DTNB: variants seen among roughly 807,000 people sequenced by gnomAD.
The protein encoded by DTNB is dystrobrevin beta.
Under a neutral mutation model 90.7 loss-of-function variants are expected in DTNB, and 63 were observed. The ratio of observed to expected loss-of-function variants is 0.69; its 90% CI spans 0.57 to 0.86. The LOEUF is 0.86. Among genes scored for constraint, DTNB ranks in the 40% least tolerant of loss-of-function variants. The pLI, the probability that DTNB is intolerant of heterozygous loss-of-function variation, is 0.00. For synonymous variants in DTNB, 277 were observed against 286.7 expected (o/e 0.97, Z 0.34); for missense variants, 744 against 807.1 (o/e 0.92, Z 0.95).
intron 9 of DTNB, among the ~76,000 whole-genome samples, chr2:25,513,488 C>T (rs1348102515): frequency 6.6e-6 from 1 of 151,942 alleles, no homozygotes. Flanking sequence ...TTTGGGAGGC[C>T]GAGGCAGGCG....
rs1328014065 is a variant in DTNB at position 25,467,542 on chromosome 2, G to A, written c.1080-12048C>T. On this transcript the variant is annotated intron_variant, in intron 10 of 20. Transcript: ENST00000406818. The stretch of plus-strand genomic sequence containing the variant: ...TGGTCTTGAACTCCTAGCCTCAAGT[G>A]ATCCTCCCACCCTGACCTCCCAAAG... Among the ~76,000 whole-genome samples, 4 of 152,004 alleles carry A rather than the reference G, an allele frequency of 2.6e-5. No homozygotes were observed. The East Asian group carries it at 5.8e-4, about 22-fold the overall frequency.
chr2:25,379,660 G>A (rs2036996002), intron 19 of DTNB: 1 of 293,210 alleles, frequency 3.4e-6, no homozygotes, highest in Non-Finnish European at 6.3e-6. Flanking sequence ...GAACATGACT[G>A]CGCCTTGAGT....
chr2:25,434,010 T>C lies in DTNB; in HGVS notation c.1258-15A>G. 1.9e-6 allele frequency: 3 copies of C among 1,586,892 alleles called. No homozygotes were observed. Among genetic ancestry groups the C allele is most frequent in the Non-Finnish European group, 2.6e-6 (3 of 1,173,160 alleles). ...GGAGGACGAGTCTAAAGTGGGGAAGTCGGGAGAAAGTTTTTTTTTTTCTGA... is the reference window on the plus strand; with the variant it reads ...GGAGGACGAGTCTAAAGTGGGGAAGCCGGGAGAAAGTTTTTTTTTTTCTGA... On this transcript the variant is annotated splice_polypyrimidine_tract_variant and intron_variant, in intron 12 of 20. Transcript: ENST00000406818.
At chr2:25,570,209 A>C (rs1049935423) in intron 8 of DTNB, among the ~76,000 whole-genome samples, 4 of 151,864 alleles carry the variant, frequency 2.6e-5, no homozygotes, top group African/African-American at 4.8e-5. Flanking sequence ...TCAGCTCAGG[A>C]GTCTGAGACC....
chr2:25,630,514 T>C (rs1026450415), intron 3 of DTNB, among the ~76,000 whole-genome samples: 1 of 152,134 alleles, frequency 6.6e-6, no homozygotes, highest in Non-Finnish European at 1.5e-5. Flanking sequence ...ATGTGGCATA[T>C]GCATATAATG....
At chr2:25,509,772 CAG>C (rs1234963483) in intron 9 of DTNB, among the ~76,000 whole-genome samples, 1 of 106,320 alleles carries the variant, frequency 9.4e-6, no homozygotes, top group South Asian at 3.2e-4. Flanking sequence ...TTTTTTGAGA[CAG>C]AGTGTTGCTC....
rs186460695 is a variant in DTNB at position 25,645,675 on chromosome 2, A to G, written c.68-6581T>C. ...AGGCTGGTCTCAAACTCCTAGGCTCAAGCAATCCACCTGCCTCAGCCTCCC... is the reference window on the plus strand; with the variant it reads ...AGGCTGGTCTCAAACTCCTAGGCTCGAGCAATCCACCTGCCTCAGCCTCCC... On this transcript the variant is annotated intron_variant, in intron 2 of 20. Coordinates refer to ENST00000406818, the MANE Select transcript of DTNB (RefSeq NM_021907.5). Among the ~76,000 whole-genome samples the G allele has an allele frequency of 2.6e-3, 401 of 152,216 alleles. 2 individuals are homozygous for G. The highest frequency in any genetic ancestry group is 0.02 in the Admixed American group (308 of 15,290).
chr2:25,673,177 G>A (rs928326439), intron 1 of DTNB, among the ~76,000 whole-genome samples: 1 of 151,390 alleles, frequency 6.6e-6, no homozygotes, highest in Non-Finnish European at 1.5e-5. Context: ...CTGTCCCTCC[G>A]GGGCTAGCCG....
At chr2:25,545,409 G>A (rs1217877603) in intron 8 of DTNB, among the ~76,000 whole-genome samples, 1 of 152,120 alleles carries the variant, frequency 6.6e-6, no homozygotes, top group African/African-American at 2.4e-5. Flanking sequence ...CCTTAGCAGG[G>A]GTTGTTTTCT....
chr2:25,546,550 C>T (rs945231536), intron 8 of DTNB, among the ~76,000 whole-genome samples: 1 of 152,146 alleles, frequency 6.6e-6, no homozygotes. Flanking sequence ...GTTTCGTGAA[C>T]CCAAGACAGA....
At chr2:25,447,959 G>A (rs184149809) in intron 12 of DTNB, among the ~76,000 whole-genome samples, 1 of 152,304 alleles carries the variant, frequency 6.6e-6, no homozygotes, top group East Asian at 1.9e-4. Context: ...CACAGGGCAG[G>A]GGTGGCAGTA....
intron 16 of DTNB, among the ~76,000 whole-genome samples, chr2:25,408,951 G>C (rs916166441): frequency 1.3e-5 from 2 of 152,204 alleles, no homozygotes; most frequent in African/African-American, 4.8e-5. Context: ...AGAAGATGCT[G>C]AGGTGAGGCA....
intron 8 of DTNB, among the ~76,000 whole-genome samples, chr2:25,570,666 T>G (rs1164662905): frequency 1.3e-5 from 2 of 152,128 alleles, no homozygotes; most frequent in Admixed American, 1.3e-4. Flanking sequence ...TCAAAACACA[T>G]TCTTCACTTG....
chr2:25,505,294 C>T (rs1309130702), intron 9 of DTNB, among the ~76,000 whole-genome samples: 1 of 152,160 alleles, frequency 6.6e-6, no homozygotes, highest in Non-Finnish European at 1.5e-5. Context: ...ATTTCTCTCA[C>T]ATGTCCATAC....
chr2:25,519,794 G>A (rs1028904578), intron 9 of DTNB, among the ~76,000 whole-genome samples: 1 of 151,616 alleles, frequency 6.6e-6, no homozygotes, highest in Non-Finnish European at 1.5e-5. Flanking sequence ...AACAGGTTCA[G>A]TCTCAGGAGA....
At chr2:25,596,003 G>C (rs1018036194) in intron 6 of DTNB, 83 bp downstream of exon 6, 30 of 1,347,512 alleles carry the variant, frequency 2.2e-5, no homozygotes, top group Non-Finnish European at 2.8e-5. Flanking sequence ...TACTAGACTG[G>C]AAGCAATCTG....
intron 9 of DTNB, among the ~76,000 whole-genome samples, chr2:25,483,319 T>C (rs976852134): frequency 6.6e-6 from 1 of 152,222 alleles, no homozygotes; most frequent in Non-Finnish European, 1.5e-5. Context: ...TCATTGTATA[T>C]TACAAAGGTC....
At chr2:25,517,435 T>C (rs999491323) in intron 9 of DTNB, among the ~76,000 whole-genome samples, 1 of 152,004 alleles carries the variant, frequency 6.6e-6, no homozygotes, top group Non-Finnish European at 1.5e-5. Flanking sequence ...GAACATAAAT[T>C]ACACCTCAAA....
intron 3 of DTNB, among the ~76,000 whole-genome samples, chr2:25,633,443 G>C (rs2076234686): frequency 6.6e-6 from 1 of 152,198 alleles, no homozygotes. Context: ...CGGGATTGCA[G>C]ACGGAGTCTG....
Sources: allele counts gnomAD v4.1 joint callset (sites outside exome capture counted in the v4.1 genomes callset), GRCh38; gene constraint gnomAD v4.1.1; transcripts MANE v1.5; gene names NCBI Gene and HGNC (gene_info 2026-07-23, HGNC 2026-07-21).